The following BAIAP2L1 variants were observed in gnomAD, a reference collection of about 807,000 sequenced individuals.
BAIAP2L1 encodes the protein BAR/IMD domain containing adaptor protein 2 like 1, also known as BAR/IMD domain-containing adapter protein 2-like 1.
Under a neutral mutation model 66.3 loss-of-function variants are expected in BAIAP2L1, and 35 were observed. The ratio of observed to expected loss-of-function variants is 0.53; its 90% confidence interval spans 0.40 to 0.70. The LOEUF is 0.70. BAIAP2L1 is among the 30% of genes least tolerant of loss of function. The pLI is 0.00. For synonymous variants in BAIAP2L1, 269 were observed against 248.7 expected (o/e 1.08, Z -0.77); for missense variants, 622 against 656.9 (o/e 0.95, Z 0.58).
At chr7:98,334,344 G>A (rs943910543) in intron 3 of BAIAP2L1, among the ~76,000 whole-genome samples, 1 of 152,096 alleles carries the variant, frequency 6.6e-6, no homozygotes, top group African/African-American at 2.4e-5. Flanking sequence ...ATTGTAAAGA[G>A]CTCACCATTT....
chr7:98,338,667 T>C (rs1424974846), intron 3 of BAIAP2L1, among the ~76,000 whole-genome samples: 1 of 152,208 alleles, frequency 6.6e-6, no homozygotes, highest in Non-Finnish European at 1.5e-5. Context: ...TTCATTCTTT[T>C]TCGTGGGTAA....
intron 1 of BAIAP2L1, among the ~76,000 whole-genome samples, chr7:98,363,236 T>C (rs2115730134): frequency 6.6e-6 from 1 of 152,068 alleles, no homozygotes; most frequent in East Asian, 1.9e-4. Flanking sequence ...GGTTTCACCA[T>C]GTTGGCCAGG....
At chr7:98,386,158 T>G (rs1802886274) in intron 1 of BAIAP2L1, 1 of 1,587,170 alleles carries the variant, frequency 6.3e-7, no homozygotes, top group Non-Finnish European at 8.6e-7. Context: ...GTTGCGTTTT[T>G]TAGTAAAACC....
chr7:98,370,974 G>C (rs1012850738), intron 1 of BAIAP2L1, among the ~76,000 whole-genome samples: 3 of 152,180 alleles, frequency 2.0e-5, no homozygotes, highest in Non-Finnish European at 2.9e-5. Context: ...TGAATAGAAA[G>C]GGTCCCACAT....
chr7:98,306,680 T>C (rs1800669284), intron 10 of BAIAP2L1, 164 bp from the exon 11 acceptor site: 1 of 991,472 alleles, frequency 1.0e-6, no homozygotes, highest in African/African-American at 1.6e-5. Flanking sequence ...ATATGGACTT[T>C]CACATACACT....
At chr7:98,358,360 GTTTT>G (rs1193714783) in intron 2 of BAIAP2L1, among the ~76,000 whole-genome samples, 4 of 145,246 alleles carry the variant, frequency 2.8e-5, no homozygotes, top group Non-Finnish European at 4.5e-5. Context: ...TTAGTTTTTT[GTTTT>G]TTTTTTTTTA....
chr7:98,323,194 T>C (rs1635610), intron 3 of BAIAP2L1: 152,264 of 152,316 alleles, frequency 1, 76,106 homozygotes, highest in Non-Finnish European at 1. Context: ...TCACAAAAGC[T>C]GCCTTCACAC....
At chr7:98,356,737 G>A (rs912376481) in intron 2 of BAIAP2L1, among the ~76,000 whole-genome samples, 16 of 149,100 alleles carry the variant, frequency 1.1e-4, no homozygotes, top group African/African-American at 3.7e-4. Context: ...AGCATTTTGC[G>A]AGGCTGAGGT....
At chr7:98,296,010 C>T (rs941002696) in intron 12 of BAIAP2L1, among the ~76,000 whole-genome samples, 7 of 152,162 alleles carry the variant, frequency 4.6e-5, no homozygotes, top group South Asian at 2.1e-4. Flanking sequence ...CCATGGGCAC[C>T]GAGACACTCG....
chr7:98,386,418 T>G, intron 1 of BAIAP2L1: 1 of 1,594,672 alleles, frequency 6.3e-7, no homozygotes, highest in Non-Finnish European at 8.5e-7. Flanking sequence ...AGATGCAATT[T>G]TGGTTCCTTG....
intron 12 of BAIAP2L1, among the ~76,000 whole-genome samples, chr7:98,303,815 T>TACCACTTTTAATGTA (rs1800524578): frequency 1.3e-5 from 2 of 152,204 alleles, no homozygotes; most frequent in Non-Finnish European, 2.9e-5. Flanking sequence ...AAGATGAAGT[T>TACCACTTTTAATGTA]ACCACTTTTA....
intron 12 of BAIAP2L1, among the ~76,000 whole-genome samples, chr7:98,295,634 C>CT (rs1800158950): frequency 6.6e-6 from 1 of 152,162 alleles, no homozygotes. Flanking sequence ...TGACTCCACT[C>CT]TGCCCTCCCC....
Position 98,292,974 on chromosome 7 carries a change from C to T in BAIAP2L1, c.*547G>A. The T allele has an allele frequency of 1.3e-5, 15 of 1,196,446 alleles. No individual in the cohort carries two copies. The South Asian group carries it at 1.4e-4, about 11-fold the overall frequency. The allele number at this position is 1,196,446 out of a possible 1,614,324, so 74.1% of individuals were successfully genotyped here. A position where few individuals can be genotyped will look rare whatever the true frequency, so the allele number is the denominator to read the frequency against. ...GTGGTTGGAGGGAGGGTGGGGGTTT[C>T]TCCATCTCTGGAAGCTCTACACTTA... On this transcript the variant is annotated 3_prime_UTR_variant, in exon 14 of 14. Transcript: ENST00000005260.
chr7:98,364,220 A>T (rs1802339386), intron 1 of BAIAP2L1, among the ~76,000 whole-genome samples: 1 of 152,118 alleles, frequency 6.6e-6, no homozygotes. Flanking sequence ...TCCCTTTCTC[A>T]GTAAAGCCTG....
intron 6 of BAIAP2L1, among the ~76,000 whole-genome samples, 198 bp from the exon 7 acceptor site, chr7:98,315,810 G>C (rs1420553168): frequency 1.3e-5 from 2 of 152,132 alleles, no homozygotes; most frequent in Non-Finnish European, 2.9e-5. Context: ...TGACTCGTGT[G>C]CAGAGAGAAG....
In BAIAP2L1 at chr7:98,400,789, G is replaced by A; in HGVS notation, c.51+13C>T. On this transcript the variant is annotated intron_variant, in intron 1 of 13. Transcript: ENST00000005260. Reference sequence around the variant, plus strand: ...AAGCCCTGACCTCCCTGAGCCCCGGGCCCTGGGCTTACCCGGTAGGTGCTC... The same window carrying A: ...AAGCCCTGACCTCCCTGAGCCCCGGACCCTGGGCTTACCCGGTAGGTGCTC... 6.5e-7 allele frequency: 1 copy of A among 1,549,174 alleles called. No homozygotes were observed. The highest frequency in any genetic ancestry group is 2.5e-5 in the East Asian group (1 of 40,724).
At chr7:98,345,848 AC>A (rs1801861117) in intron 3 of BAIAP2L1, among the ~76,000 whole-genome samples, 1 of 152,192 alleles carries the variant, frequency 6.6e-6, no homozygotes, top group Non-Finnish European at 1.5e-5. Flanking sequence ...GGAGATGTGA[AC>A]GAAAGCCAAA....
intron 3 of BAIAP2L1, among the ~76,000 whole-genome samples, chr7:98,349,106 G>A (rs1408265792): frequency 2.0e-5 from 3 of 152,230 alleles, no homozygotes; most frequent in Non-Finnish European, 2.9e-5. Context: ...AAAACCCCTT[G>A]CTGGGGACAT....
chr7:98,362,998 G>T (rs1333776423), intron 1 of BAIAP2L1, among the ~76,000 whole-genome samples: 1 of 151,018 alleles, frequency 6.6e-6, no homozygotes, highest in Non-Finnish European at 1.5e-5. Context: ...GGCCTGCCTG[G>T]AAACTTCTGG....
Sources: allele counts gnomAD v4.1 joint callset (sites outside exome capture counted in the v4.1 genomes callset), GRCh38; gene constraint gnomAD v4.1.1; transcripts MANE v1.5; gene names NCBI Gene and HGNC (gene_info 2026-07-23, HGNC 2026-07-21).